FRMD8: variants seen among roughly 807,000 people sequenced by gnomAD.
The protein encoded by FRMD8 is FERM domain containing 8, also known as FERM domain-containing protein 8.
Under a neutral mutation model 54.2 loss-of-function variants are expected in FRMD8, and 37 were observed. That is an observed-to-expected ratio of 0.68 (90% CI 0.53 to 0.90). The LOEUF is 0.90. Ranked by LOEUF, FRMD8 falls within the 40% of genes least tolerant of loss-of-function variation. The pLI, the probability that FRMD8 is intolerant of heterozygous loss-of-function variation, is 0.00. For missense variants in FRMD8, 585 were observed against 653.7 expected (o/e 0.89, Z 1.15); for synonymous variants, 246 against 286.9 (o/e 0.86, Z 1.44).
At chr11:65,402,255 G>A (rs1455019400) in intron 9 of FRMD8, among the ~76,000 whole-genome samples, 2 of 151,936 alleles carry the variant, frequency 1.3e-5, no homozygotes, top group Non-Finnish European at 2.9e-5. Context: ...TTGGGAGACT[G>A]AGGCACGAGA....
the FRMD8 span, chr11:65,376,665 C>T: frequency 2.0e-5 from 32 of 1,613,816 alleles, no homozygotes; most frequent in African/African-American, 2.7e-4. Flanking sequence ...CCACCAGCAC[C>T]GTGGCTGAGC....
Position 65,399,756 on chromosome 11 carries a change from A to C in FRMD8, c.824A>C (p.Glu275Ala), listed in dbSNP as rs1856030215. ...PFYGCAFFHG[E>A]VDKPAQGFLH... ...CCCAGGTGTGCCTTCTTCCACGGTG[A>C]GGTTGACAAGCCGGCCCAAGGCTTT... is the stretch of plus-strand genomic sequence containing the variant. The change falls in exon 8 of 11, where the codon GAG becomes GCG. Residue 275 changes from glutamate (E) to alanine (A), a missense_variant. By Grantham distance (107) the Glu-to-Ala change is moderately radical (BLOSUM62 -1). Coordinates refer to ENST00000317568, the MANE Select transcript of FRMD8 (RefSeq NM_031904.5). The C allele has an allele frequency of 1.2e-6, 2 of 1,613,806 alleles. No individual in the cohort carries two copies. Among genetic ancestry groups the C allele is most frequent in the African/African-American group, 1.3e-5 (1 of 74,914 alleles).
At chr11:65,377,320 G>C in the FRMD8 span, 2 of 1,370,994 alleles carry the variant, frequency 1.5e-6, no homozygotes, top group African/African-American at 1.5e-5. Flanking sequence ...TCATGCAACA[G>C]TGACCAACTT....
intron 10 of FRMD8, among the ~76,000 whole-genome samples, chr11:65,410,687 G>A (rs1856310816): frequency 6.6e-6 from 1 of 152,172 alleles, no homozygotes; most frequent in Non-Finnish European, 1.5e-5. Context: ...CTTCTCAGGA[G>A]GCTGAGGTAG....
chr11:65,397,927 G>A (rs1021727879), intron 7 of FRMD8, among the ~76,000 whole-genome samples: 11 of 147,872 alleles, frequency 7.4e-5, no homozygotes, highest in Non-Finnish European at 1.5e-4. Context: ...CCAGGCTGGA[G>A]TGCAATGCCA....
At position 65,387,462 on chromosome 11, in the gene FRMD8, C is replaced by G. The variant is rs544661713; in HGVS notation, c.85+341C>G. 3.3e-3 allele frequency among the ~76,000 whole-genome samples: 504 copies of G among 152,236 alleles called. 5 individuals carry two copies. The highest frequency in any genetic ancestry group is 0.011 in the African/African-American group (473 of 41,550). On this transcript the variant is annotated intron_variant, in intron 2 of 10. Transcript: ENST00000317568. ...GGCAGACCACATGTGCCCAGGAGTT[C>G]GAGACCAGCCTGGGCAACATAGACA...
At chr11:65,377,268 AC>A in the FRMD8 span, 1 of 1,414,150 alleles carries the variant, frequency 7.1e-7, no homozygotes, top group Non-Finnish European at 9.2e-7. Flanking sequence ...GGGACAGGCC[AC>A]CTCCCTTGGC....
At chr11:65,411,154 G>T in intron 10 of FRMD8, 88 bp from the exon 11 acceptor site, 1 of 1,095,504 alleles carries the variant, frequency 9.1e-7, no homozygotes, top group Non-Finnish European at 1.3e-6. Context: ...GAGCCGTCGC[G>T]CTGGAGCCAG....
At chr11:65,409,757 C>A (rs1041884521) in intron 10 of FRMD8, among the ~76,000 whole-genome samples, 1 of 150,360 alleles carries the variant, frequency 6.7e-6, no homozygotes, top group Admixed American at 6.6e-5. Context: ...CAGAGTGAGA[C>A]CCTGTCGCAA....
upstream of FRMD8, chr11:65,381,980 C>A: frequency 6.2e-7 from 1 of 1,603,866 alleles, no homozygotes. Context: ...CTGGTGGCTC[C>A]AGCAGAGGAG....
the FRMD8 span, chr11:65,380,868 A>T: frequency 1.0e-5 from 3 of 299,810 alleles, no homozygotes; most frequent in Non-Finnish European, 2.0e-5. Context: ...GCCCACAGCC[A>T]GGTGGGGCAG....
chr11:65,401,150 T>A (rs1856069463), intron 9 of FRMD8, among the ~76,000 whole-genome samples: 1 of 152,070 alleles, frequency 6.6e-6, no homozygotes, highest in Admixed American at 6.6e-5. Context: ...GAGACCAGCC[T>A]GCACCCTCCC....
At chr11:65,373,997 G>A in the FRMD8 span, among the ~76,000 whole-genome samples, 2 of 149,450 alleles carry the variant, frequency 1.3e-5, no homozygotes, top group East Asian at 4.0e-4. Flanking sequence ...TTGCTAAACT[G>A]TTGCAACAAG....
the FRMD8 span, chr11:65,377,573 C>G: frequency 4.8e-6 from 1 of 206,522 alleles, no homozygotes; most frequent in Non-Finnish European, 8.5e-6. Flanking sequence ...CAAGGCCAGC[C>G]CCTCCTGCCT....
the FRMD8 span, among the ~76,000 whole-genome samples, chr11:65,373,131 G>A: frequency 6.6e-6 from 1 of 152,314 alleles, no homozygotes; most frequent in African/African-American, 2.4e-5. Flanking sequence ...GCATGCACCT[G>A]TAGTCCCAGG....
At chr11:65,408,807 A>G (rs1047303815) in intron 10 of FRMD8, among the ~76,000 whole-genome samples, 15 of 151,638 alleles carry the variant, frequency 9.9e-5, no homozygotes, top group Admixed American at 1.3e-4. Flanking sequence ...GCAGCGTCTC[A>G]CTATGTTGCC....
At chr11:65,368,259 A>T in the FRMD8 span, among the ~76,000 whole-genome samples, 2 of 151,782 alleles carry the variant, frequency 1.3e-5, no homozygotes, top group Non-Finnish European at 2.9e-5. Flanking sequence ...TATTTTTAGT[A>T]GAGACGGGGT....
At chr11:65,410,315 G>C (rs1590663214) in intron 10 of FRMD8, among the ~76,000 whole-genome samples, 1 of 152,088 alleles carries the variant, frequency 6.6e-6, no homozygotes, top group Non-Finnish European at 1.5e-5. Flanking sequence ...GGCCAGCATG[G>C]TGAAACCCCG....
intron 3 of FRMD8, among the ~76,000 whole-genome samples, chr11:65,391,129 A>G (rs1386593961): frequency 6.6e-6 from 1 of 152,244 alleles, no homozygotes; most frequent in Non-Finnish European, 1.5e-5. Context: ...GCTGCCCTTC[A>G]TGCCGGATGT....
Sources: allele counts gnomAD v4.1 joint callset (sites outside exome capture counted in the v4.1 genomes callset), GRCh38; gene constraint gnomAD v4.1.1; transcripts MANE v1.5; gene names NCBI Gene and HGNC (gene_info 2026-07-23, HGNC 2026-07-21).